POF1B: variants seen among roughly 807,000 people sequenced by gnomAD.
POF1B encodes the protein protein POF1B.
In POF1B, 53 loss-of-function variants were observed where a neutral mutation model predicts 55.3. The observed-to-expected ratio is 0.96, with a 90% CI of 0.77 to 1.20. The LOEUF is 1.20. POF1B is among the 50% of genes most tolerant of loss of function. The pLI, the probability that POF1B is intolerant of heterozygous loss-of-function variation, is 0.00. For missense variants in POF1B, 478 were observed against 420.5 expected (o/e 1.14, Z -1.20); for synonymous variants, 188 against 148.3 (o/e 1.27, Z -1.95).
Position 85,359,607 on chromosome X carries a change from T to C in POF1B, c.381A>G (p.Lys127=). The part of the protein sequence containing the change: ...TEQELHSPTV[K]LTTYPQTTIR... ...TAGTGGTCTGTGGATATGTAGTAAG[T>C]TTCACTGTTGGAGAATGAAGTTCCT... The change falls in exon 4 of 17, where the codon AAA becomes AAG. Residue 127 remains lysine, a synonymous_variant. Coordinates refer to ENST00000262753, the MANE Select transcript of POF1B (RefSeq NM_024921.4). 8.3e-7 allele frequency: 1 copy of C among 1,200,476 alleles called. No homozygotes were observed. The highest frequency in any genetic ancestry group is 3.0e-5 in the East Asian group (1 of 33,576).
At chrX:85,326,098 T>A (rs2147921466) in intron 7 of POF1B, among the ~76,000 whole-genome samples, 1 of 111,673 alleles carries the variant, frequency 9.0e-6, no homozygotes, top group South Asian at 3.8e-4. Flanking sequence ...CTCCTATGGG[T>A]GGTGCCAGCC....
In POF1B at chrX:85,379,344, G is replaced by A. The variant is rs767638131; in HGVS notation, c.111C>T (p.Ser37=). 2.8e-5 allele frequency: 34 copies of A among 1,207,559 alleles called. No individual in the cohort carries two copies. The highest frequency in any genetic ancestry group is 3.6e-5 in the Non-Finnish European group (32 of 894,693). Residue 37 remains serine (S), a synonymous_variant, in exon 2 of 17, where the codon AGC becomes AGT. Transcript: ENST00000262753. ...PQHYHCYHQS[S]QAQQPPEKNV... is the part of the protein sequence containing the mutation. The stretch of plus-strand genomic sequence containing the variant: ...TTTTTTCTGGAGGCTGCTGGGCTTG[G>A]CTTGACTGATGGTAGCAGTGGTAAT...
Position 85,379,342 on chromosome X carries a change from T to G in POF1B, c.113A>C (p.Gln38Pro), listed in dbSNP as rs142588591. Reference sequence around the variant, plus strand: ...ATTTTTTTCTGGAGGCTGCTGGGCTTGGCTTGACTGATGGTAGCAGTGGTA... The same window carrying G: ...ATTTTTTTCTGGAGGCTGCTGGGCTGGGCTTGACTGATGGTAGCAGTGGTA... ...QHYHCYHQSS[Q>P]AQQPPEKNVV... The change falls in exon 2 of 17, where the codon CAA (glutamine) becomes CCA (proline). Residue 38 changes from glutamine (Q) to proline (P), a missense_variant. Transcript: ENST00000262753. 2,192 of 1,207,558 alleles carry G rather than the reference T, an allele frequency of 1.8e-3. 28 individuals carry two copies. The African/African-American group carries it at 0.033, about 18-fold the overall frequency.
intron 10 of POF1B, 52 bp from the exon 11 acceptor site, chrX:85,307,328 C>A: frequency 1.3e-6 from 1 of 781,199 alleles, no homozygotes; most frequent in African/African-American, 2.1e-5. Flanking sequence ...ACTTAACAGT[C>A]ACATAATACA....
intron 2 of POF1B, among the ~76,000 whole-genome samples, chrX:85,369,138 G>A (rs1933778435): frequency 8.9e-6 from 1 of 111,824 alleles, no homozygotes; most frequent in African/African-American, 3.2e-5. Context: ...CAGCAATACT[G>A]CAGGCTCAGT....
At position 85,361,988 on chromosome X, in the gene POF1B, G is replaced by A. The variant is rs868492454; in HGVS notation, c.358-2358C>T. Among the ~76,000 whole-genome samples the A allele has an allele frequency of 1.3e-3, 133 of 105,898 alleles. 2 individuals carry two copies. The highest frequency in any genetic ancestry group is 4.5e-3 in the African/African-American group (128 of 28,534). The allele number at this position is 105,898 out of a possible 115,157, so 92.0% of individuals were successfully genotyped here. A position where few individuals can be genotyped will look rare whatever the true frequency, so the allele number is the denominator to read the frequency against. On this transcript the variant is annotated intron_variant, in intron 3 of 16. Transcript: ENST00000262753. ...TGTGTGTGTGTGTGTGTGTGTGTGT[G>A]TATGTGTGTGTGTGGCAATTGTGAA...
intron 6 of POF1B, among the ~76,000 whole-genome samples, chrX:85,341,799 C>T (rs1933179095): frequency 9.0e-6 from 1 of 110,569 alleles, no homozygotes; most frequent in African/African-American, 3.3e-5. Context: ...CAGAGACCTG[C>T]CAGAAAAAGC....
At chrX:85,314,841 T>C (rs1932770752) in intron 8 of POF1B, among the ~76,000 whole-genome samples, 1 of 112,057 alleles carries the variant, frequency 8.9e-6, no homozygotes, top group African/African-American at 3.2e-5. Flanking sequence ...ATTCATTGTA[T>C]ATTTTTTAAA....
At position 85,328,832 on chromosome X, in the gene POF1B, TA is replaced by T. The variant is rs201888020; in HGVS notation, c.854+2116del. On this transcript the variant is annotated intron_variant, in intron 7 of 16. Transcript: ENST00000262753. ...TGCCTGATACTATACATTTAGTATG[TA>T]AAAAAAAAAAACAAAACAAACAAAC... is the stretch of plus-strand genomic sequence containing the variant. Among the ~76,000 whole-genome samples the T allele has an allele frequency of 1.6e-3, 144 of 88,575 alleles. 1 individual carries two copies. The highest frequency in any genetic ancestry group is 6.0e-3 in the Middle Eastern group (1 of 166). The allele number at this position is 88,575 out of a possible 115,157, so 76.9% of individuals were successfully genotyped here.
chrX:85,278,607 T>A lies in POF1B; in HGVS notation c.*814A>T, dbSNP rs1931828366. The A allele has an allele frequency of 9.0e-6, 1 of 111,305 alleles. No individual in the cohort carries two copies. Among genetic ancestry groups the A allele is most frequent in the African/African-American group, 3.3e-5 (1 of 30,726 alleles). 9.2% of individuals were successfully genotyped at this position (111,305 alleles called of 1,213,427 possible). A position where few individuals can be genotyped will look rare whatever the true frequency, so the allele number is the denominator to read the frequency against. On this transcript the variant is annotated 3_prime_UTR_variant, in exon 17 of 17. Transcript: ENST00000262753. ...CTAAGTCTTTATATCTATGTAATATTTCAATGATATGTTTGCATACCACTA... is the reference window on the plus strand; with the variant it reads ...CTAAGTCTTTATATCTATGTAATATATCAATGATATGTTTGCATACCACTA...
At chrX:85,375,177 A>G (rs763079082) in intron 2 of POF1B, among the ~76,000 whole-genome samples, 1 of 112,027 alleles carries the variant, frequency 8.9e-6, no homozygotes, top group Non-Finnish European at 1.9e-5. Context: ...TTGAAAATCA[A>G]AAAATGACCT....
Position 85,328,394 on chromosome X carries a change from C to T in POF1B, c.854+2555G>A, listed in dbSNP as rs371274717. Among the ~76,000 whole-genome samples, 11 of 109,283 alleles carry T rather than the reference C, an allele frequency of 1.0e-4. No homozygotes were observed. The East Asian group carries it at 2.9e-3, about 29-fold the overall frequency. 94.9% of individuals were successfully genotyped at this position (109,283 alleles called of 115,157 possible). ...TAATTTTTTGTATTTTTAGTAGAGA[C>T]GGGGTTTCACCATGTTAGCCAGGAT... On this transcript the variant is annotated intron_variant, in intron 7 of 16. Coordinates refer to ENST00000262753, the MANE Select transcript of POF1B (RefSeq NM_024921.4).
At chrX:85,314,578 G>C in intron 8 of POF1B, 72 bp from the exon 9 acceptor site, 1 of 705,230 alleles carries the variant, frequency 1.4e-6, no homozygotes, top group Non-Finnish European at 2.0e-6. Context: ...ACAGACTTTT[G>C]TGTAATGGGA....
At chrX:85,349,354 G>GA (rs1348125387) in intron 5 of POF1B, among the ~76,000 whole-genome samples, 1 of 111,025 alleles carries the variant, frequency 9.0e-6, no homozygotes, top group South Asian at 3.7e-4. Flanking sequence ...ATTTGCATAT[G>GA]AAAAAAATGA....
At chrX:85,366,003 T>C (rs1173019099) in intron 3 of POF1B, among the ~76,000 whole-genome samples, 3 of 111,458 alleles carry the variant, frequency 2.7e-5, no homozygotes, top group Non-Finnish European at 3.8e-5. Context: ...AGAGTTCTTA[T>C]ATATCAATGA....
intron 15 of POF1B, among the ~76,000 whole-genome samples, chrX:85,298,012 C>A (rs946823730): frequency 2.7e-5 from 3 of 112,455 alleles, no homozygotes; most frequent in Non-Finnish European, 5.6e-5. Flanking sequence ...GGAACCATGC[C>A]TGTGGCTTTG....
intron 13 of POF1B, among the ~76,000 whole-genome samples, chrX:85,305,405 C>G (rs1176945907): frequency 9.1e-6 from 1 of 110,405 alleles, no homozygotes; most frequent in Non-Finnish European, 1.9e-5. Flanking sequence ...CATCATCCCT[C>G]GAAATTAAGT....
intron 15 of POF1B, among the ~76,000 whole-genome samples, chrX:85,301,147 A>G (rs967215756): frequency 8.9e-6 from 1 of 112,012 alleles, no homozygotes; most frequent in Non-Finnish European, 1.9e-5. Context: ...TCTGCACATC[A>G]AAGAAGCTCA....
intron 7 of POF1B, among the ~76,000 whole-genome samples, chrX:85,317,650 A>G (rs1363588424): frequency 1.8e-5 from 2 of 110,408 alleles, no homozygotes; most frequent in Non-Finnish European, 3.8e-5. Context: ...AATTGTCAAA[A>G]AGAAGTGTGG....
Sources: allele counts gnomAD v4.1 joint callset (sites outside exome capture counted in the v4.1 genomes callset), GRCh38; gene constraint gnomAD v4.1.1; transcripts MANE v1.5; gene names NCBI Gene and HGNC (gene_info 2026-07-23, HGNC 2026-07-21).